Variants in EPHB1 observed in about 807,000 individuals in gnomAD.
The protein encoded by EPHB1 is EPH receptor B1.
Under a neutral mutation model 94.4 loss-of-function variants are expected in EPHB1, and 30 were observed. The ratio of observed to expected loss-of-function variants is 0.32; its 90% confidence interval spans 0.24 to 0.43. The LOEUF is 0.43. Ranked by LOEUF, EPHB1 falls within the 20% of genes least tolerant of loss-of-function variation. The pLI, the probability that EPHB1 is intolerant of heterozygous loss-of-function variation, is 1.00. For missense variants in EPHB1, 1,055 were observed against 1,308.3 expected (o/e 0.81, Z 2.99); for synonymous variants, 522 against 489.1 (o/e 1.07, Z -0.89).
At chr3:135,061,786 C>G (rs1023586016) in intron 3 of EPHB1, among the ~76,000 whole-genome samples, 5 of 152,070 alleles carry the variant, frequency 3.3e-5, no homozygotes, top group Non-Finnish European at 5.9e-5. Flanking sequence ...TGTGATGTTC[C>G]CCTTCCTGTG....
chr3:135,237,338 C>T (rs1253331004), intron 12 of EPHB1, among the ~76,000 whole-genome samples: 2 of 151,750 alleles, frequency 1.3e-5, no homozygotes, highest in Non-Finnish European at 2.9e-5. Context: ...TTAAATTTAT[C>T]GTATATCTGA....
intron 1 of EPHB1, among the ~76,000 whole-genome samples, chr3:134,825,685 G>A (rs890270047): frequency 2.4e-4 from 37 of 152,022 alleles, no homozygotes; most frequent in African/African-American, 8.9e-4. Flanking sequence ...GGTTTGGTGG[G>A]GCTTGTTCTT....
At chr3:134,815,992 A>G (rs1209953359) in intron 1 of EPHB1, among the ~76,000 whole-genome samples, 1 of 126,692 alleles carries the variant, frequency 7.9e-6, no homozygotes. Context: ...AGTAACCACC[A>G]AAGGTAAATG....
At chr3:134,833,770 G>A (rs186964914) in intron 1 of EPHB1, among the ~76,000 whole-genome samples, 99 of 152,290 alleles carry the variant, frequency 6.5e-4, no homozygotes, top group Non-Finnish European at 1.2e-3. Context: ...GATAAAGGGC[G>A]TGCCTGGCAA....
chr3:135,008,479 CATG>C (rs1203496934), intron 3 of EPHB1, among the ~76,000 whole-genome samples: 3 of 152,140 alleles, frequency 2.0e-5, no homozygotes, highest in African/African-American at 4.8e-5. Flanking sequence ...GCTCAGCCTC[CATG>C]ATATTATCAA....
chr3:135,114,780 G>A (rs970060499), intron 4 of EPHB1, among the ~76,000 whole-genome samples: 2 of 133,876 alleles, frequency 1.5e-5, no homozygotes, highest in African/African-American at 5.3e-5. Context: ...ACAATATTTG[G>A]CATACAGGAA....
intron 3 of EPHB1, among the ~76,000 whole-genome samples, chr3:135,003,730 T>C (rs921719878): frequency 2.0e-5 from 3 of 152,046 alleles, no homozygotes; most frequent in Admixed American, 2.0e-4. Context: ...TCTTTGTCTC[T>C]TTTGATCTTT....
chr3:135,211,427 T>C (rs1943031366), intron 12 of EPHB1, among the ~76,000 whole-genome samples: 1 of 152,266 alleles, frequency 6.6e-6, no homozygotes, highest in Admixed American at 6.5e-5. Flanking sequence ...CCCTCTGGCA[T>C]CATTCCTTCA....
chr3:134,966,189 A>T (rs948544489), intron 3 of EPHB1, among the ~76,000 whole-genome samples: 1 of 152,212 alleles, frequency 6.6e-6, no homozygotes, highest in Non-Finnish European at 1.5e-5. Context: ...AAAATTTTTT[A>T]AAAGCAGTTG....
chr3:135,181,763 C>T (rs1387595465), intron 10 of EPHB1, among the ~76,000 whole-genome samples: 1 of 151,948 alleles, frequency 6.6e-6, no homozygotes, highest in East Asian at 1.9e-4. Context: ...GTGAGTTCAC[C>T]AGCTGCTGGA....
chr3:135,166,199 C>A, intron 8 of EPHB1, 123 bp downstream of exon 8: 1 of 693,912 alleles, frequency 1.4e-6, no homozygotes, highest in South Asian at 1.8e-5. Flanking sequence ...CACTCCATCT[C>A]AATCCAAGAG....
At chr3:135,227,705 AG>A (rs1212262703) in intron 12 of EPHB1, among the ~76,000 whole-genome samples, 5 of 152,322 alleles carry the variant, frequency 3.3e-5, no homozygotes, top group South Asian at 4.1e-4. Context: ...AATTTCAAGA[AG>A]ATAAATTTCT....
At chr3:134,944,818 T>C (rs1255316510) in intron 2 of EPHB1, among the ~76,000 whole-genome samples, 2 of 152,260 alleles carry the variant, frequency 1.3e-5, no homozygotes, top group Non-Finnish European at 2.9e-5. Context: ...AGGGTGTATG[T>C]AGTCATAATT....
intron 3 of EPHB1, among the ~76,000 whole-genome samples, chr3:134,987,603 C>CA (rs1210216559): frequency 5.9e-5 from 9 of 151,978 alleles, no homozygotes; most frequent in African/African-American, 2.2e-4. Flanking sequence ...ACTAAAAATG[C>CA]AAAAAATAAT....
chr3:134,894,793 A>T (rs2038055609), intron 1 of EPHB1, among the ~76,000 whole-genome samples: 1 of 152,200 alleles, frequency 6.6e-6, no homozygotes, highest in Non-Finnish European at 1.5e-5. Context: ...GTCACCTCTG[A>T]TCTGCAGAAA....
intron 5 of EPHB1, among the ~76,000 whole-genome samples, chr3:135,134,962 G>A (rs1041271764): frequency 6.6e-6 from 1 of 152,170 alleles, no homozygotes; most frequent in East Asian, 1.9e-4. Context: ...CACCTTCCTA[G>A]ACTGCAGTGG....
intron 5 of EPHB1, among the ~76,000 whole-genome samples, chr3:135,140,180 C>A (rs1395754341): frequency 6.6e-6 from 1 of 152,104 alleles, no homozygotes; most frequent in Admixed American, 6.5e-5. Context: ...AGAGGGGACA[C>A]CAGTTGGATT....
At chr3:135,005,649 A>G (rs1048126392) in intron 3 of EPHB1, among the ~76,000 whole-genome samples, 8 of 152,224 alleles carry the variant, frequency 5.3e-5, no homozygotes, top group Non-Finnish European at 1.2e-4. Context: ...GGTGCGGGAT[A>G]TAATCTCCTG....
chr3:135,125,797 A>G (rs368771906), intron 4 of EPHB1, among the ~76,000 whole-genome samples: 1 of 152,158 alleles, frequency 6.6e-6, no homozygotes, highest in Non-Finnish European at 1.5e-5. Flanking sequence ...TGGGCTAGGT[A>G]TAATAACCAG....
Sources: allele counts gnomAD v4.1 joint callset (sites outside exome capture counted in the v4.1 genomes callset), GRCh38; gene constraint gnomAD v4.1.1; transcripts MANE v1.5; gene names NCBI Gene and HGNC (gene_info 2026-07-23, HGNC 2026-07-21).